The following IGFBP7 variants were observed in gnomAD, a reference collection of about 807,000 sequenced individuals.
IGFBP7 encodes insulin like growth factor binding protein 7.
Under a neutral mutation model 29.4 loss-of-function variants are expected in IGFBP7, and 31 were observed. That is an observed-to-expected ratio of 1.05 (90% CI 0.79 to 1.42). The LOEUF (loss-of-function observed/expected upper bound fraction) is 1.42. Among genes scored for constraint, IGFBP7 ranks in the 40% most tolerant of loss-of-function variants. The probability of loss-of-function intolerance (pLI) is 0.00; values close to 1 mark genes in which losing one functional copy is unlikely to be tolerated. For synonymous variants in IGFBP7, 172 were observed against 174.9 expected (o/e 0.98, Z 0.13); for missense variants, 393 against 395.5 (o/e 0.99, Z 0.05).
chr4:57,108,693 C>T (rs760291999), intron 1 of IGFBP7, among the ~76,000 whole-genome samples: 2 of 151,944 alleles, frequency 1.3e-5, no homozygotes, highest in African/African-American at 4.8e-5. Context: ...AGGCATGCAC[C>T]ACCATGCCCA....
intron 1 of IGFBP7, among the ~76,000 whole-genome samples, chr4:57,051,309 C>T (rs1450220066): frequency 6.6e-6 from 1 of 152,194 alleles, no homozygotes; most frequent in Non-Finnish European, 1.5e-5. Context: ...GATGTAGCAG[C>T]TGAACCCTGG....
chr4:57,061,838 T>G (rs1475118908), intron 1 of IGFBP7, among the ~76,000 whole-genome samples: 1 of 152,192 alleles, frequency 6.6e-6, no homozygotes, highest in Non-Finnish European at 1.5e-5. Flanking sequence ...TTTACTTTTT[T>G]AAAAATAATG....
chr4:57,100,853 A>G lies in IGFBP7; in HGVS notation c.475+9024T>C, dbSNP rs373508454. On this transcript the variant is annotated intron_variant, in intron 1 of 4. Coordinates refer to ENST00000295666, the MANE Select transcript of IGFBP7 (RefSeq NM_001553.3). ...AAGCCTGTAGCAGAATATCTAAAGT[A>G]AGTACCAGAATTGCTATTTACCACC... 1.2e-4 allele frequency among the ~76,000 whole-genome samples: 19 copies of G among 152,366 alleles called. No individual in the cohort carries two copies. In the South Asian group the frequency reaches 3.3e-3, roughly 27 times the overall value.
intron 1 of IGFBP7, among the ~76,000 whole-genome samples, chr4:57,065,288 G>A (rs1178006528): frequency 6.6e-6 from 1 of 152,236 alleles, no homozygotes; most frequent in Non-Finnish European, 1.5e-5. Flanking sequence ...ATCTTCCTGT[G>A]TTCTCTGCCA....
chr4:57,072,856 C>A, intron 1 of IGFBP7: 1 of 628,712 alleles, frequency 1.6e-6, no homozygotes. Flanking sequence ...TCCCCAGGGG[C>A]TACCCTTACA....
chr4:57,047,685 C>T (rs1030118733), intron 1 of IGFBP7, among the ~76,000 whole-genome samples: 7 of 152,110 alleles, frequency 4.6e-5, no homozygotes, highest in African/African-American at 1.7e-4. Context: ...CTTAAAAGTA[C>T]TTAGAAGTCT....
intron 1 of IGFBP7, among the ~76,000 whole-genome samples, chr4:57,099,996 A>G (rs1168482469): frequency 6.6e-6 from 1 of 151,852 alleles, no homozygotes; most frequent in Non-Finnish European, 1.5e-5. Context: ...TCAGCCTCCC[A>G]AAGCACTGAG....
chr4:57,060,809 C>A (rs909269135), intron 1 of IGFBP7, among the ~76,000 whole-genome samples: 1 of 152,092 alleles, frequency 6.6e-6, no homozygotes, highest in African/African-American at 2.4e-5. Context: ...GTCCCAGCTA[C>A]TCAAGAGGCT....
intron 1 of IGFBP7, among the ~76,000 whole-genome samples, chr4:57,100,223 C>T (rs906857247): frequency 6.6e-6 from 1 of 152,016 alleles, no homozygotes; most frequent in Non-Finnish European, 1.5e-5. Context: ...GTGCTTCCCA[C>T]TGTGCCTGGC....
chr4:57,086,481 T>C (rs1377610698), intron 1 of IGFBP7, among the ~76,000 whole-genome samples: 1 of 152,156 alleles, frequency 6.6e-6, no homozygotes, highest in Non-Finnish European at 1.5e-5. Context: ...GATTTACCTA[T>C]TATTGGATCT....
chr4:57,058,073 C>T (rs1047474599), intron 1 of IGFBP7, among the ~76,000 whole-genome samples: 1 of 151,964 alleles, frequency 6.6e-6, no homozygotes, highest in African/African-American at 2.4e-5. Context: ...AAGATTAATC[C>T]CATTCACAAA....
intron 1 of IGFBP7, among the ~76,000 whole-genome samples, chr4:57,067,862 T>C (rs1247486685): frequency 6.6e-6 from 1 of 152,198 alleles, no homozygotes. Context: ...AAAGTTTTAC[T>C]TGTTTTTCAT....
chr4:57,049,188 A>ATT (rs3839133), intron 1 of IGFBP7, among the ~76,000 whole-genome samples: 2 of 151,730 alleles, frequency 1.3e-5, no homozygotes, highest in African/African-American at 2.4e-5. Context: ...CAGTTAGCCA[A>ATT]TTTTTTTTTC....
chr4:57,052,647 T>C (rs1724532364), intron 1 of IGFBP7, among the ~76,000 whole-genome samples: 4 of 152,138 alleles, frequency 2.6e-5, no homozygotes, highest in African/African-American at 9.7e-5. Context: ...CTTGCTTAGC[T>C]TCCAGGCACG....
intron 1 of IGFBP7, among the ~76,000 whole-genome samples, chr4:57,095,637 A>G (rs1207593781): frequency 1.3e-5 from 2 of 152,176 alleles, no homozygotes; most frequent in South Asian, 4.1e-4. Flanking sequence ...CACAATCCCC[A>G]TACCCATTGC....
At chr4:57,058,224 TA>T (rs1724718166) in intron 1 of IGFBP7, among the ~76,000 whole-genome samples, 1 of 152,224 alleles carries the variant, frequency 6.6e-6, no homozygotes, top group Non-Finnish European at 1.5e-5. Context: ...AGAAGATGAT[TA>T]AAGAACAGAT....
chr4:57,096,028 G>C (rs539625834), intron 1 of IGFBP7, among the ~76,000 whole-genome samples: 1 of 152,116 alleles, frequency 6.6e-6, no homozygotes, highest in Admixed American at 6.5e-5. Context: ...TAGATAAAAA[G>C]CACTGGGCTA....
chr4:57,109,719 C>G, intron 1 of IGFBP7, 158 bp downstream of exon 1: 1 of 887,988 alleles, frequency 1.1e-6, no homozygotes, highest in East Asian at 3.2e-5. Context: ...CCTGGCATTC[C>G]GCGGCTGCCA....
chr4:57,041,327 G>C (rs1180970334), intron 1 of IGFBP7, among the ~76,000 whole-genome samples: 1 of 151,910 alleles, frequency 6.6e-6, no homozygotes, highest in South Asian at 2.1e-4. Flanking sequence ...GGTTGGAAAG[G>C]CAACAAGCAA....
Sources: allele counts gnomAD v4.1 joint callset (sites outside exome capture counted in the v4.1 genomes callset), GRCh38; gene constraint gnomAD v4.1.1; transcripts MANE v1.5; gene names NCBI Gene and HGNC (gene_info 2026-07-23, HGNC 2026-07-21).